The following SLC16A10 variants were observed in gnomAD, a reference collection of about 807,000 sequenced individuals.
SLC16A10 encodes the protein solute carrier family 16 member 10.
In SLC16A10, 27 loss-of-function variants were observed where a neutral mutation model predicts 40.0. That is an observed-to-expected ratio of 0.67 (90% confidence interval 0.50 to 0.93). The LOEUF is 0.93. Ranked by LOEUF, SLC16A10 falls within the 40% of genes least tolerant of loss-of-function variation. The probability of loss-of-function intolerance (pLI) is 0.00; values close to 1 mark genes in which losing one functional copy is unlikely to be tolerated. For synonymous variants in SLC16A10, 213 were observed against 249.8 expected (o/e 0.85, Z 1.39); for missense variants, 529 against 658.2 (o/e 0.80, Z 2.15).
At chr6:111,098,417 A>G (rs1307864518) in intron 1 of SLC16A10, among the ~76,000 whole-genome samples, 1 of 152,218 alleles carries the variant, frequency 6.6e-6, no homozygotes, top group Admixed American at 6.5e-5. Flanking sequence ...TAAAATTAAC[A>G]TTAAAAAGTG....
chr6:111,167,406 G>A (rs571211316), intron 1 of SLC16A10, among the ~76,000 whole-genome samples: 2 of 152,322 alleles, frequency 1.3e-5, no homozygotes, highest in South Asian at 4.1e-4. Context: ...TTGGGCAGAA[G>A]TAAGTTGTAA....
chr6:111,190,761 C>G (rs1772976213), intron 3 of SLC16A10, among the ~76,000 whole-genome samples: 1 of 152,224 alleles, frequency 6.6e-6, no homozygotes, highest in Non-Finnish European at 1.5e-5. Context: ...ATACAGTACA[C>G]TAAGTCCCTA....
chr6:111,172,194 A>T (rs937132217), intron 1 of SLC16A10, among the ~76,000 whole-genome samples: 1 of 152,230 alleles, frequency 6.6e-6, no homozygotes, highest in African/African-American at 2.4e-5. Context: ...TTGTAGTTGT[A>T]GAGCTGGGAA....
At chr6:111,200,212 G>A (rs1461609420) in intron 3 of SLC16A10, among the ~76,000 whole-genome samples, 11 of 152,136 alleles carry the variant, frequency 7.2e-5, no homozygotes, top group Non-Finnish European at 1.6e-4. Context: ...CAGAAATATC[G>A]TTGGGCTACC....
chr6:111,183,401 C>T (rs1272967108), intron 3 of SLC16A10, among the ~76,000 whole-genome samples: 1 of 152,194 alleles, frequency 6.6e-6, no homozygotes, highest in Non-Finnish European at 1.5e-5. Context: ...AATGTAAACA[C>T]CACAAGGGTA....
intron 1 of SLC16A10, among the ~76,000 whole-genome samples, chr6:111,158,275 C>T (rs1772308239): frequency 6.6e-6 from 1 of 152,118 alleles, no homozygotes; most frequent in Admixed American, 6.5e-5. Context: ...TTACAGTGCA[C>T]ATTTTCCCTA....
rs1225965624 is a variant in SLC16A10, at chr6:111,206,620, A to G, written c.971A>G (p.Asp324Gly). Residue 324 changes from aspartate (D) to glycine (G), a missense_variant, in exon 4 of 6, where the codon GAT (aspartate) becomes GGT (glycine). Transcript: ENST00000368851. ...AAACATGTAAATGAAAGATTTCAAG[A>G]TGAAAAAAATAAAGAGGTTGTTCTC... ...LMKHVNERFQ[D>G]EKNKEVVLMC... is the part of the protein sequence containing the mutation. 1 of 1,614,102 alleles carries G rather than the reference A, an allele frequency of 6.2e-7. No homozygotes were observed. The highest frequency in any genetic ancestry group is 1.7e-5 in the Admixed American group (1 of 60,002).
At chr6:111,120,839 A>G (rs914499577) in intron 1 of SLC16A10, among the ~76,000 whole-genome samples, 18 of 152,248 alleles carry the variant, frequency 1.2e-4, no homozygotes, top group African/African-American at 4.3e-4. Context: ...TTAAGAATTG[A>G]CTTGGAAACA....
chr6:111,185,813 T>C (rs1188114221), intron 3 of SLC16A10, among the ~76,000 whole-genome samples: 3 of 152,198 alleles, frequency 2.0e-5, no homozygotes, highest in African/African-American at 7.2e-5. Context: ...CCGAGGCCAC[T>C]GGTGGATCAT....
intron 1 of SLC16A10, among the ~76,000 whole-genome samples, chr6:111,156,568 T>C (rs1037381520): frequency 1.3e-5 from 2 of 152,224 alleles, no homozygotes; most frequent in African/African-American, 2.4e-5. Flanking sequence ...TGCTACTTAA[T>C]TCCTGAAAAG....
chr6:111,137,153 A>G (rs1363467624), intron 1 of SLC16A10, among the ~76,000 whole-genome samples: 1 of 152,248 alleles, frequency 6.6e-6, no homozygotes, highest in African/African-American at 2.4e-5. Context: ...AACCGCTAGT[A>G]TGGGGTAATC....
chr6:111,098,402 T>A (rs996107489), intron 1 of SLC16A10, among the ~76,000 whole-genome samples: 1 of 152,128 alleles, frequency 6.6e-6, no homozygotes, highest in African/African-American at 2.4e-5. Context: ...TACTTTTAAT[T>A]AAAATAAAAT....
chr6:111,174,368 C>A (rs73765928), intron 2 of SLC16A10, among the ~76,000 whole-genome samples: 2,189 of 152,018 alleles, frequency 0.014, 53 homozygotes, highest in African/African-American at 0.051. Flanking sequence ...TGCCGCCCCC[C>A]ACCCCCCAAC....
Position 111,222,150 on chromosome 6 carries a change from A to G in SLC16A10, c.1463A>G (p.Lys488Arg). The change falls in exon 6 of 6, where the codon AAG becomes AGG. Residue 488 changes from lysine (K) to arginine (R), a missense_variant. Physicochemically the swap from Lys to Arg is conservative, Grantham distance 26. Coordinates refer to ENST00000368851, the MANE Select transcript of SLC16A10 (RefSeq NM_018593.5). ...REISKTTGKE[K>R]MEKMLENQNS... ...ATCAGTAAAACCACTGGAAAAGAAA[A>G]GATGGAGAAAATGTTGGAAAACCAG... is the stretch of plus-strand genomic sequence containing the variant. The G allele has an allele frequency of 6.2e-7, 1 of 1,607,556 alleles. No individual in the cohort carries two copies. The highest frequency in any genetic ancestry group is 8.5e-7 in the Non-Finnish European group (1 of 1,178,388).
chr6:111,119,021 T>A (rs913478340), intron 1 of SLC16A10, among the ~76,000 whole-genome samples: 1 of 152,164 alleles, frequency 6.6e-6, no homozygotes, highest in East Asian at 1.9e-4. Context: ...CAAGTGCATT[T>A]CAGTAACTGA....
chr6:111,188,622 T>G (rs1375195735), intron 3 of SLC16A10, among the ~76,000 whole-genome samples: 9 of 152,146 alleles, frequency 5.9e-5, no homozygotes, highest in Admixed American at 5.9e-4. Flanking sequence ...GTACTCAGCC[T>G]TTATTAATCT....
chr6:111,225,744 G>A lies in SLC16A10; in HGVS notation c.*3509G>A, dbSNP rs893605114. The A allele has an allele frequency of 5.3e-5, 8 of 152,132 alleles. No individual in the cohort carries two copies. In the East Asian group the frequency reaches 5.8e-4, roughly 11 times the overall value. 9.4% of individuals were successfully genotyped at this position (152,132 alleles called of 1,614,324 possible). ...ATAGAAAATATGACACGAGATCGGG[G>A]AGGGGGAAGGCAACCTATAGCATGG... On this transcript the variant is annotated 3_prime_UTR_variant, in exon 6 of 6. Coordinates refer to ENST00000368851, the MANE Select transcript of SLC16A10 (RefSeq NM_018593.5).
intron 1 of SLC16A10, among the ~76,000 whole-genome samples, chr6:111,151,825 G>A (rs1321169980): frequency 1.3e-5 from 2 of 152,066 alleles, no homozygotes; most frequent in Admixed American, 6.5e-5. Flanking sequence ...CCTGATGAAC[G>A]CCTATTCATC....
At chr6:111,170,477 T>C (rs1160374632) in intron 1 of SLC16A10, among the ~76,000 whole-genome samples, 1 of 152,246 alleles carries the variant, frequency 6.6e-6, no homozygotes, top group Non-Finnish European at 1.5e-5. Flanking sequence ...AGAAAGCGTC[T>C]CGCTCAGCTG....
Sources: gnomAD v4.1 joint callset for allele counts (sites outside exome capture counted in the v4.1 genomes callset) on GRCh38, gnomAD v4.1.1 for gene constraint, MANE v1.5 for transcripts, NCBI Gene and HGNC (gene_info 2026-07-23, HGNC 2026-07-21) for gene names.